CXCL1: variants seen among roughly 807,000 people sequenced by gnomAD.
CXCL1 encodes C-X-C motif chemokine ligand 1.
Under a neutral mutation model 11.7 loss-of-function variants are expected in CXCL1, and 9 were observed. That is an observed-to-expected ratio of 0.77 (90% CI 0.46 to 1.34). The LOEUF is 1.34. CXCL1 is among the 40% of genes most tolerant of loss of function. The pLI is 0.00. For missense variants in CXCL1, 146 were observed against 138.1 expected (o/e 1.06, Z -0.29); for synonymous variants, 78 against 59.1 (o/e 1.32, Z -1.47).
At position 73,869,977 on chromosome 4, in the gene CXCL1, A is replaced by G; in HGVS notation, c.296A>G (p.Lys99Arg). The change falls in exon 3 of 4, where the codon AAG becomes AGG. Residue 99 changes from lysine to arginine, a missense_variant. Lys to Arg is a conservative substitution (Grantham distance 26). Coordinates refer to ENST00000395761, the MANE Select transcript of CXCL1 (RefSeq NM_001511.4). ...ASPIVKKIIEKMLNSDKSN is the reference protein window; with the variant it reads ...ASPIVKKIIERMLNSDKSN ...CCCATAGTTAAGAAAATCATCGAAA[A>G]GATGCTGAACAGGTGAGTTATGGTT... 6.2e-7 allele frequency: 1 copy of G among 1,614,170 alleles called. No homozygotes were observed. Among genetic ancestry groups the G allele is most frequent in the Non-Finnish European group, 8.5e-7 (1 of 1,180,030 alleles).
chr4:73,870,560 T>C lies in CXCL1; in HGVS notation c.*24T>C, dbSNP rs751730223. The C allele has an allele frequency of 1.1e-5, 17 of 1,613,596 alleles. No individual in the cohort carries two copies. Among genetic ancestry groups the C allele is most frequent in the Admixed American group, 5.0e-5 (3 of 59,982 alleles). On this transcript the variant is annotated 3_prime_UTR_variant, in exon 4 of 4. Coordinates refer to ENST00000395761, the MANE Select transcript of CXCL1 (RefSeq NM_001511.4). Reference sequence around the variant, plus strand: ...GACCAGAAGGGAGGAGGAAGCTCACTGGTGGCTGTTCCTGAAGGAGGCCCT... The same window carrying C: ...GACCAGAAGGGAGGAGGAAGCTCACCGGTGGCTGTTCCTGAAGGAGGCCCT...
Position 73,869,829 on chromosome 4 carries a change from G to T in CXCL1, c.224+37G>T, listed in dbSNP as rs1731901292. The stretch of plus-strand genomic sequence containing the variant: ...CCCGCGCTGCCTCTGCCACCGCCGG[G>T]GTCCCAGACCCTCCTGCTGCCCCAA... On this transcript the variant is annotated intron_variant, in intron 2 of 3. Transcript: ENST00000395761. 5 of 1,613,450 alleles carry T rather than the reference G, an allele frequency of 3.1e-6. No individual in the cohort carries two copies. The East Asian group carries it at 1.1e-4, about 36-fold the overall frequency.
In CXCL1 at chr4:73,869,977, A is replaced by T; in HGVS notation, c.296A>T (p.Lys99Met). The T allele has an allele frequency of 6.2e-7, 1 of 1,614,170 alleles. No homozygotes were observed. Among genetic ancestry groups the T allele is most frequent in the Non-Finnish European group, 8.5e-7 (1 of 1,180,030 alleles). ...ASPIVKKIIE[K>M]MLNSDKSN is the part of the protein sequence containing the mutation. The stretch of plus-strand genomic sequence containing the variant: ...CCCATAGTTAAGAAAATCATCGAAA[A>T]GATGCTGAACAGGTGAGTTATGGTT... Residue 99 changes from lysine (K) to methionine (M), a missense_variant, in exon 3 of 4, where the codon AAG (lysine) becomes ATG (methionine). Physicochemically the swap from Lys to Met is moderately conservative, Grantham distance 95 (BLOSUM62 -1). Coordinates refer to ENST00000395761, the MANE Select transcript of CXCL1 (RefSeq NM_001511.4).
chr4:73,869,581 G>A lies in CXCL1; in HGVS notation c.100+11G>A. Reference sequence around the variant, plus strand: ...GCCGGCGCGCAGCAGGTGGGTACCGGCGCCCTGGGGTCCCCGGGCCGGACG... The same window carrying A: ...GCCGGCGCGCAGCAGGTGGGTACCGACGCCCTGGGGTCCCCGGGCCGGACG... On this transcript the variant is annotated intron_variant, in intron 1 of 3. Transcript: ENST00000395761. 2 of 1,612,200 alleles carry A rather than the reference G, an allele frequency of 1.2e-6. No individual in the cohort carries two copies. Among genetic ancestry groups the A allele is most frequent in the Non-Finnish European group, 8.5e-7 (1 of 1,179,160 alleles).
In CXCL1 at chr4:73,869,808, C is replaced by A. The variant is rs200083883; in HGVS notation, c.224+16C>A. 1 of 1,613,618 alleles carries A rather than the reference C, an allele frequency of 6.2e-7. No homozygotes were observed. ...CCGAAGTCATGTAAGTCCCGCCCCG[C>A]GCTGCCTCTGCCACCGCCGGGGTCC... On this transcript the variant is annotated intron_variant, in intron 2 of 3. Transcript: ENST00000395761.
At chr4:73,869,641 CTCAG>C (rs746571662) in intron 1 of CXCL1, 24 bp from the exon 2 acceptor site, 58 of 1,613,936 alleles carry the variant, frequency 3.6e-5, no homozygotes, top group Non-Finnish European at 4.5e-5. Flanking sequence ...GACAGCCTCG[CTCAG>C]TCAGTGAGTC....
Position 73,869,820 on chromosome 4 carries a change from C to T in CXCL1, c.224+28C>T, listed in dbSNP as rs748116390. 28 of 1,613,682 alleles carry T rather than the reference C, an allele frequency of 1.7e-5. No homozygotes were observed. In the East Asian group the frequency reaches 6.0e-4, roughly 35 times the overall value. On this transcript the variant is annotated intron_variant, in intron 2 of 3. Coordinates refer to ENST00000395761, the MANE Select transcript of CXCL1 (RefSeq NM_001511.4). ...AAGTCCCGCCCCGCGCTGCCTCTGC[C>T]ACCGCCGGGGTCCCAGACCCTCCTG...
intron 3 of CXCL1, 66 bp downstream of exon 3, chr4:73,870,055 C>T: frequency 6.7e-7 from 1 of 1,495,640 alleles, no homozygotes; most frequent in South Asian, 1.2e-5. Context: ...GCATGTGCCC[C>T]CTAAAAATAA....
At chr4:73,870,397 G>T in intron 3 of CXCL1, 124 bp from the exon 4 acceptor site, 3 of 1,159,356 alleles carry the variant, frequency 2.6e-6, no homozygotes, top group Non-Finnish European at 2.4e-6. Context: ...GTAGCCACTT[G>T]GTTGCCAGGC....
At chr4:73,870,130 G>A in intron 3 of CXCL1, 141 bp downstream of exon 3, 2 of 873,442 alleles carry the variant, frequency 2.3e-6, no homozygotes, top group Non-Finnish European at 3.6e-6. Context: ...CACAATTAAG[G>A]TTTCCTTTAC....
Position 73,869,501 on chromosome 4 carries a change from A to G in CXCL1, c.31A>G (p.Ser11Gly), listed in dbSNP as rs760662270. ...CCGCGCTGCTCTCTCCGCCGCCCCC[A>G]GCAATCCCCGGCTCCTGCGAGTGGC... MARAALSAAPSNPRLLRVALL... is the reference protein window; with the variant it reads MARAALSAAPGNPRLLRVALL... Residue 11 changes from serine to glycine, a missense_variant, in exon 1 of 4, where the codon AGC (serine) becomes GGC (glycine). Coordinates refer to ENST00000395761, the MANE Select transcript of CXCL1 (RefSeq NM_001511.4). The G allele has an allele frequency of 5.7e-6, 9 of 1,587,092 alleles. No individual in the cohort carries two copies. The East Asian group carries it at 2.1e-4, about 37-fold the overall frequency.
chr4:73,870,127 A>G (rs1197445727), intron 3 of CXCL1, 138 bp downstream of exon 3: 1 of 883,960 alleles, frequency 1.1e-6, no homozygotes, highest in African/African-American at 1.7e-5. Flanking sequence ...TTTCACAATT[A>G]AGGTTTCCTT....
rs751619422 is a variant in CXCL1 at position 73,869,519 on chromosome 4, C to A, written c.49C>A (p.Arg17=). 6 of 1,599,818 alleles carry A rather than the reference C, an allele frequency of 3.8e-6. No individual in the cohort carries two copies. Among genetic ancestry groups the A allele is most frequent in the South Asian group, 2.2e-5 (2 of 90,094 alleles). The change falls in exon 1 of 4, where the codon CGA becomes AGA. Residue 17 remains arginine, a synonymous_variant. Transcript: ENST00000395761. ...CGCCCCCAGCAATCCCCGGCTCCTGCGAGTGGCACTGCTGCTCCTGCTCCT... is the reference window on the plus strand; with the variant it reads ...CGCCCCCAGCAATCCCCGGCTCCTGAGAGTGGCACTGCTGCTCCTGCTCCT... ...SAAPSNPRLL[R]VALLLLLLVA... is the part of the protein sequence containing the mutation.
chr4:73,870,163 G>C (rs1578148147), intron 3 of CXCL1, 174 bp downstream of exon 3: 1 of 719,122 alleles, frequency 1.4e-6, no homozygotes, highest in East Asian at 2.7e-5. Flanking sequence ...TCTGGTGCCA[G>C]AGGATATTCC....
Position 73,870,017 on chromosome 4 carries a change from C to T in CXCL1, c.308+28C>T, listed in dbSNP as rs2018732. On this transcript the variant is annotated intron_variant, in intron 3 of 3. Transcript: ENST00000395761. ...GAGTTATGGTTTCCATGTACACAGG[C>T]GACTGGAGCCGTTGGTCAGAAATAC... The T allele has an allele frequency of 0.012, 19,007 of 1,606,188 alleles. 1,738 individuals are homozygous for T. The African/African-American group carries it at 0.21, about 18-fold the overall frequency.
At chr4:73,870,383 G>T in intron 3 of CXCL1, 138 bp from the exon 4 acceptor site, 1 of 904,776 alleles carries the variant, frequency 1.1e-6, no homozygotes, top group South Asian at 1.5e-5. Context: ...AGCTGTCATA[G>T]GCAGTAGCCA....
chr4:73,869,491 C>A lies in CXCL1; in HGVS notation c.21C>A (p.Ser7=). 1 of 1,577,522 alleles carries A rather than the reference C, an allele frequency of 6.3e-7. No homozygotes were observed. Among genetic ancestry groups the A allele is most frequent in the Non-Finnish European group, 8.6e-7 (1 of 1,162,666 alleles). Residue 7 remains serine, a synonymous_variant, in exon 1 of 4, where the codon TCC becomes TCA. Coordinates refer to ENST00000395761, the MANE Select transcript of CXCL1 (RefSeq NM_001511.4). ...GCCCCATGGCCCGCGCTGCTCTCTC[C>A]GCCGCCCCCAGCAATCCCCGGCTCC... MARAAL[S]AAPSNPRLLR... is the part of the protein sequence containing the mutation.
At position 73,869,519 on chromosome 4, in the gene CXCL1, C is replaced by G; in HGVS notation, c.49C>G (p.Arg17Gly). Reference sequence around the variant, plus strand: ...CGCCCCCAGCAATCCCCGGCTCCTGCGAGTGGCACTGCTGCTCCTGCTCCT... The same window carrying G: ...CGCCCCCAGCAATCCCCGGCTCCTGGGAGTGGCACTGCTGCTCCTGCTCCT... The part of the protein sequence containing the change: ...SAAPSNPRLL[R>G]VALLLLLLVA... The change falls in exon 1 of 4, where the codon CGA (arginine) becomes GGA (glycine). Residue 17 changes from arginine to glycine, a missense_variant. Coordinates refer to ENST00000395761, the MANE Select transcript of CXCL1 (RefSeq NM_001511.4). The G allele has an allele frequency of 6.3e-7, 1 of 1,599,818 alleles. No homozygotes were observed. The highest frequency in any genetic ancestry group is 8.5e-7 in the Non-Finnish European group (1 of 1,173,134).
Position 73,870,646 on chromosome 4 carries a change from C to T in CXCL1, c.*110C>T. 1 of 1,298,782 alleles carries T rather than the reference C, an allele frequency of 7.7e-7. No individual in the cohort carries two copies. Among genetic ancestry groups the T allele is most frequent in the Admixed American group, 2.1e-5 (1 of 46,634 alleles). 80.5% of individuals were successfully genotyped at this position (1,298,782 alleles called of 1,614,324 possible). On this transcript the variant is annotated 3_prime_UTR_variant, in exon 4 of 4. Coordinates refer to ENST00000395761, the MANE Select transcript of CXCL1 (RefSeq NM_001511.4). ...GCTGCAGAGGCCACCTGGATTGTGC[C>T]TAATGTGTTTGAGCATCGCTTAGGA... is the stretch of plus-strand genomic sequence containing the variant.
Sources: gnomAD v4.1 joint callset for allele counts on GRCh38, gnomAD v4.1.1 for gene constraint, MANE v1.5 for transcripts, NCBI Gene and HGNC (gene_info 2026-07-23, HGNC 2026-07-21) for gene names.